The following DPP10 variants were observed in gnomAD, a reference collection of about 807,000 sequenced individuals.
The protein encoded by DPP10 is dipeptidyl peptidase like 10.
A neutral mutation model predicts 120.9 loss-of-function variants in DPP10; 33 were observed. The observed-to-expected ratio is 0.27, with a 90% CI of 0.21 to 0.37. DPP10 has a LOEUF of 0.37. Ranked by LOEUF, DPP10 falls within the 10% of genes least tolerant of loss-of-function variation. DPP10 has a pLI of 1.00. For missense variants in DPP10, 816 were observed against 942.8 expected (o/e 0.87, Z 1.76); for synonymous variants, 337 against 326.1 (o/e 1.03, Z -0.36).
intron 19 of DPP10, among the ~76,000 whole-genome samples, chr2:115,795,605 C>A (rs1479327942): frequency 6.6e-6 from 1 of 152,020 alleles, no homozygotes; most frequent in Non-Finnish European, 1.5e-5. Context: ...GTATCAGAAT[C>A]CTATAATTGG....
At chr2:115,337,057 C>T (rs901429471) in intron 2 of DPP10, among the ~76,000 whole-genome samples, 4 of 151,494 alleles carry the variant, frequency 2.6e-5, no homozygotes, top group South Asian at 2.1e-4. Context: ...GACTGAGTTC[C>T]GTTGTAACTA....
At chr2:115,374,779 C>T (rs1242799992) in intron 3 of DPP10, among the ~76,000 whole-genome samples, 2 of 152,174 alleles carry the variant, frequency 1.3e-5, no homozygotes, top group Admixed American at 6.5e-5. Flanking sequence ...ACCCTCTGAA[C>T]CAATGATCTG....
chr2:114,912,044 T>G (rs1422975736), intron 1 of DPP10, among the ~76,000 whole-genome samples: 1 of 152,062 alleles, frequency 6.6e-6, no homozygotes, highest in Non-Finnish European at 1.5e-5. Context: ...GGAAGTTAAA[T>G]TGCAATTGAT....
intron 1 of DPP10, among the ~76,000 whole-genome samples, chr2:114,495,459 A>C (rs1168394538): frequency 6.6e-6 from 1 of 152,212 alleles, no homozygotes; most frequent in Non-Finnish European, 1.5e-5. Flanking sequence ...AGCACTTTAA[A>C]ACATGGAGTC....
At chr2:115,229,700 CTAT>C in intron 1 of DPP10, among the ~76,000 whole-genome samples, 1 of 91,028 alleles carries the variant, frequency 1.1e-5, no homozygotes, top group East Asian at 3.8e-4. Flanking sequence ...CTATTCTATT[CTAT>C]TCTATTCTAT....
chr2:115,233,033 A>G (rs553346552), intron 1 of DPP10, among the ~76,000 whole-genome samples: 5 of 152,280 alleles, frequency 3.3e-5, no homozygotes, highest in Admixed American at 3.3e-4. Context: ...GATAGTGTCT[A>G]TCGTCATCTT....
At chr2:115,070,247 T>C (rs771323804) in intron 1 of DPP10, among the ~76,000 whole-genome samples, 1 of 152,142 alleles carries the variant, frequency 6.6e-6, no homozygotes, top group Non-Finnish European at 1.5e-5. Context: ...TAGCCATTAT[T>C]TCTTAACACA....
chr2:115,549,636 T>A (rs532761244), intron 5 of DPP10, among the ~76,000 whole-genome samples: 1 of 152,164 alleles, frequency 6.6e-6, no homozygotes. Flanking sequence ...TCCTATTTGA[T>A]CTCTATAGCC....
intron 1 of DPP10, among the ~76,000 whole-genome samples, chr2:114,563,968 G>A (rs1003819554): frequency 3.9e-5 from 6 of 152,158 alleles, no homozygotes; most frequent in South Asian, 2.1e-4. Flanking sequence ...GATGGAGCTC[G>A]CAGCTCACCC....
chr2:114,795,643 T>G (rs1428346999), intron 1 of DPP10, among the ~76,000 whole-genome samples: 4 of 152,054 alleles, frequency 2.6e-5, no homozygotes, highest in Non-Finnish European at 5.9e-5. Flanking sequence ...TATACGCAGA[T>G]TTTTTTTCAA....
intron 1 of DPP10, among the ~76,000 whole-genome samples, chr2:114,452,060 G>A (rs779248597): frequency 1.3e-5 from 2 of 152,084 alleles, no homozygotes; most frequent in African/African-American, 2.4e-5. Context: ...TAATCTAAAA[G>A]TATCTTTTTT....
intron 2 of DPP10, among the ~76,000 whole-genome samples, chr2:115,329,557 G>C (rs964899293): frequency 6.6e-6 from 1 of 151,992 alleles, no homozygotes; most frequent in Non-Finnish European, 1.5e-5. Flanking sequence ...ATTTACATTA[G>C]GTATATCTCC....
chr2:114,870,652 T>C lies in DPP10; in HGVS notation c.60+427814T>C. Among the ~76,000 whole-genome samples, 2 of 135,624 alleles carry C rather than the reference T, an allele frequency of 1.5e-5. 1 individual carries two copies. Among genetic ancestry groups the C allele is most frequent in the East Asian group, 6.5e-4 (2 of 3,064 alleles). 89.0% of individuals were successfully genotyped at this position (135,624 alleles called of 152,430 possible). ...GTTACAGAATCTCAAAAAAAATATTTTGATAATATCACAAAAGAGGATGAG... is the reference window on the plus strand; with the variant it reads ...GTTACAGAATCTCAAAAAAAATATTCTGATAATATCACAAAAGAGGATGAG... On this transcript the variant is annotated intron_variant, in intron 1 of 25. Transcript: ENST00000410059.
chr2:115,532,979 C>CT (rs1247562806), intron 5 of DPP10, among the ~76,000 whole-genome samples: 17 of 151,670 alleles, frequency 1.1e-4, no homozygotes, highest in African/African-American at 3.6e-4. Flanking sequence ...GTCAAGAGTC[C>CT]TTTACCGCAT....
At chr2:115,123,126 C>A (rs1486573438) in intron 1 of DPP10, among the ~76,000 whole-genome samples, 2 of 152,142 alleles carry the variant, frequency 1.3e-5, no homozygotes, top group Admixed American at 1.3e-4. Flanking sequence ...TCAATCCTTG[C>A]CTCCTTGGAG....
intron 1 of DPP10, chr2:115,130,809 T>A (rs2050316338): frequency 6.6e-6 from 1 of 152,206 alleles, no homozygotes; most frequent in African/African-American, 2.4e-5. Context: ...CCTACTTCCT[T>A]TTCTGTGCAC....
chr2:115,583,293 C>T (rs1282330247), intron 5 of DPP10, among the ~76,000 whole-genome samples: 1 of 152,180 alleles, frequency 6.6e-6, no homozygotes, highest in East Asian at 1.9e-4. Context: ...AGGTTAGTAG[C>T]ATAAAACCAC....
intron 1 of DPP10, among the ~76,000 whole-genome samples, chr2:114,946,585 G>T (rs1203157981): frequency 1.3e-5 from 2 of 152,002 alleles, no homozygotes; most frequent in Non-Finnish European, 1.5e-5. Flanking sequence ...TACTGTTAAT[G>T]CAGTGAATTA....
chr2:115,756,863 GA>G (rs925327632), intron 11 of DPP10, among the ~76,000 whole-genome samples: 1 of 152,074 alleles, frequency 6.6e-6, no homozygotes, highest in African/African-American at 2.4e-5. Flanking sequence ...TCCCATGACA[GA>G]AGGGCAAAGA....
Sources: gnomAD v4.1 joint callset for allele counts (sites outside exome capture counted in the v4.1 genomes callset) on GRCh38, gnomAD v4.1.1 for gene constraint, MANE v1.5 for transcripts, NCBI Gene and HGNC (gene_info 2026-07-23, HGNC 2026-07-21) for gene names.